RGS7: variants seen among roughly 807,000 people sequenced by gnomAD.
The protein encoded by RGS7 is regulator of G protein signaling 7, also known as regulator of G-protein signaling 7.
In RGS7, 27 loss-of-function variants were observed where a neutral mutation model predicts 81.1. The ratio of observed to expected loss-of-function variants is 0.33; its 90% CI spans 0.25 to 0.46. RGS7 has a LOEUF of 0.46. RGS7 is among the 20% of genes least tolerant of loss of function. The pLI is 1.00. For missense variants in RGS7, 396 were observed against 607.4 expected, an observed-to-expected ratio of 0.65 and a Z score of 3.66; for synonymous variants, 208 against 207.7, an observed-to-expected ratio of 1.00 and a Z score of -0.01.
At chr1:241,186,402 C>G in intron 2 of RGS7, 1 of 622,114 alleles carries the variant, frequency 1.6e-6, no homozygotes, top group Non-Finnish European at 2.0e-6. Context: ...TCAACTGATG[C>G]AAAAGACCAC....
chr1:241,174,895 G>GTTTTTTTTTTTTTTTTTTTTTTTT (rs551122102), intron 2 of RGS7, among the ~76,000 whole-genome samples: 2 of 69,230 alleles, frequency 2.9e-5, no homozygotes, highest in Non-Finnish European at 2.5e-5. Context: ...ACAGAATTTT[G>GTTTTTTTTTTTTTTTTTTTTTTTT]TTTTTTTTTT....
chr1:240,919,117 C>CA (rs762734095), intron 6 of RGS7, among the ~76,000 whole-genome samples: 4 of 152,002 alleles, frequency 2.6e-5, no homozygotes, highest in Non-Finnish European at 5.9e-5. Context: ...AGAAAGCCAC[C>CA]AAGCCCAGAT....
intron 3 of RGS7, among the ~76,000 whole-genome samples, chr1:241,048,928 G>C (rs1182318718): frequency 6.6e-6 from 1 of 152,160 alleles, no homozygotes; most frequent in Non-Finnish European, 1.5e-5. Flanking sequence ...GATTCATTGG[G>C]TTTGCTGACA....
At chr1:241,356,118 G>A (rs1341466) in intron 1 of RGS7, among the ~76,000 whole-genome samples, 145,423 of 152,214 alleles carry the variant, frequency 0.96, 69,655 homozygotes, top group East Asian at 1. Context: ...CTAAAAACTC[G>A]TGGGTAGCAT....
intron 4 of RGS7, among the ~76,000 whole-genome samples, chr1:240,982,472 A>T (rs1415102075): frequency 6.7e-6 from 1 of 149,426 alleles, no homozygotes; most frequent in Non-Finnish European, 1.5e-5. Context: ...TTGCATATGT[A>T]GGATCTTGTT....
At chr1:240,965,119 G>A (rs529335727) in intron 4 of RGS7, among the ~76,000 whole-genome samples, 4 of 152,300 alleles carry the variant, frequency 2.6e-5, no homozygotes, top group Non-Finnish European at 2.9e-5. Context: ...TCAAGAAAAT[G>A]TTTATGGCCC....
intron 3 of RGS7, among the ~76,000 whole-genome samples, chr1:241,081,508 AGG>A: frequency 6.6e-6 from 1 of 152,344 alleles, no homozygotes; most frequent in Admixed American, 6.5e-5. Context: ...AATGTATTAG[AGG>A]TTTGGGGAAA....
chr1:240,779,099 T>TTGTGTGTGTG lies in RGS7; in HGVS notation c.*7-2896_*7-2887dup, dbSNP rs71172643. Among the ~76,000 whole-genome samples, 385 of 144,290 alleles carry TTGTGTGTGTG rather than the reference T, an allele frequency of 2.7e-3. 2 individuals are homozygous for TTGTGTGTGTG. Among genetic ancestry groups the TTGTGTGTGTG allele is most frequent in the African/African-American group, 9.1e-3 (354 of 38,902 alleles). The allele number at this position is 144,290 out of a possible 152,430, so 94.7% of individuals were successfully genotyped here. A position where few individuals can be genotyped will look rare whatever the true frequency, so the allele number is the denominator to read the frequency against. On this transcript the variant is annotated intron_variant, in intron 18 of 18. Coordinates refer to ENST00000440928, the MANE Select transcript of RGS7 (RefSeq NM_001364886.1). ...CTCTCATTAATGGGATTAGTGTTCTTTGTGTGTGTGTGTGTGTGTGTGTGT... is the reference window on the plus strand; with the variant it reads ...CTCTCATTAATGGGATTAGTGTTCTTTGTGTGTGTGTGTGTGTGTGTGTGTGTGTGTGTGT...
chr1:241,216,302 A>C (rs1298076640), intron 2 of RGS7, among the ~76,000 whole-genome samples: 1 of 151,734 alleles, frequency 6.6e-6, no homozygotes, highest in Non-Finnish European at 1.5e-5. Context: ...AATAAAAATA[A>C]AAAAAGGAAG....
chr1:241,192,718 T>C (rs750717168), intron 2 of RGS7, among the ~76,000 whole-genome samples: 5 of 152,046 alleles, frequency 3.3e-5, no homozygotes, highest in African/African-American at 7.2e-5. Flanking sequence ...AAGAAGAAAA[T>C]AGAAGAAAAC....
At chr1:241,248,725 CA>C (rs1167601921) in intron 2 of RGS7, among the ~76,000 whole-genome samples, 1 of 152,074 alleles carries the variant, frequency 6.6e-6, no homozygotes, top group Non-Finnish European at 1.5e-5. Context: ...CTACTTTGAG[CA>C]CCAATACTAA....
rs2062482931 is a variant in RGS7, at chr1:241,071,884, A to AAAAAAAAAAAAC, written c.175+26770_175+26781dup. ...AGAGTGAGACCCTGTCAAAAAAAAA[A>AAAAAAAAAAAAC]AAAAAAAAAAACAAGAAAGAAAGAA... On this transcript the variant is annotated intron_variant, in intron 3 of 18. Coordinates refer to ENST00000440928, the MANE Select transcript of RGS7 (RefSeq NM_001364886.1). Among the ~76,000 whole-genome samples the AAAAAAAAAAAAC allele has an allele frequency of 4.1e-5, 6 of 147,826 alleles. 1 individual carries two copies. The South Asian group carries it at 1.4e-3, about 33-fold the overall frequency.
chr1:241,305,871 T>C (rs2080074284), intron 2 of RGS7: 2 of 300,458 alleles, frequency 6.7e-6, no homozygotes, highest in South Asian at 2.9e-5. Context: ...CCCACGGCCA[T>C]GGGGTAGTGC....
At chr1:240,887,652 T>C (rs970564905) in intron 6 of RGS7, among the ~76,000 whole-genome samples, 2 of 152,220 alleles carry the variant, frequency 1.3e-5, no homozygotes, top group Non-Finnish European at 2.9e-5. Flanking sequence ...TTGTAAACAA[T>C]ATCGATTAAT....
chr1:241,343,261 CAA>C (rs35447784), intron 2 of RGS7, among the ~76,000 whole-genome samples: 2 of 136,720 alleles, frequency 1.5e-5, no homozygotes, highest in Non-Finnish European at 3.1e-5. Context: ...GACTGTGTCT[CAA>C]AAAAAAAAAA....
chr1:241,089,382 G>A (rs2063724123), intron 3 of RGS7, among the ~76,000 whole-genome samples: 1 of 151,758 alleles, frequency 6.6e-6, no homozygotes, highest in South Asian at 2.1e-4. Context: ...CTGAGGTAAA[G>A]GCAATTGAGA....
chr1:241,161,784 C>T (rs2069704839), intron 2 of RGS7, among the ~76,000 whole-genome samples: 1 of 150,750 alleles, frequency 6.6e-6, no homozygotes, highest in South Asian at 2.1e-4. Flanking sequence ...ATGGCACCAC[C>T]TCGGCTCACT....
chr1:241,158,167 A>G (rs1366223366), intron 2 of RGS7, among the ~76,000 whole-genome samples: 4 of 152,144 alleles, frequency 2.6e-5, no homozygotes, highest in Admixed American at 2.0e-4. Flanking sequence ...TCATTTACAT[A>G]TTGTCTATAG....
chr1:241,120,127 A>G (rs149241314), intron 2 of RGS7, among the ~76,000 whole-genome samples: 257 of 152,278 alleles, frequency 1.7e-3, no homozygotes, highest in African/African-American at 5.4e-3. Flanking sequence ...CCCATCCTCA[A>G]TGCAATCCCC....
Sources: gnomAD v4.1 joint callset for allele counts (sites outside exome capture counted in the v4.1 genomes callset) on GRCh38, gnomAD v4.1.1 for gene constraint, MANE v1.5 for transcripts, NCBI Gene and HGNC (gene_info 2026-07-23, HGNC 2026-07-21) for gene names.